The following PRKAR1A variants were observed in gnomAD, a reference collection of about 807,000 sequenced individuals.
PRKAR1A encodes protein kinase cAMP-dependent type I regulatory subunit alpha, also known as cAMP-dependent protein kinase type I-alpha regulatory subunit.
PRKAR1A carries 3 observed loss-of-function variants against 52.0 expected under a neutral mutation model. That is an observed-to-expected ratio of 0.06 (90% confidence interval 0.03 to 0.15). The LOEUF (loss-of-function observed/expected upper bound fraction) is 0.15. Among genes scored for constraint, PRKAR1A ranks in the 10% least tolerant of loss-of-function variants. PRKAR1A has a pLI of 1.00. For missense variants in PRKAR1A, 240 were observed against 477.4 expected, an observed-to-expected ratio of 0.50 and a Z score of 4.63; for synonymous variants, 188 against 168.4, an observed-to-expected ratio of 1.12 and a Z score of -0.90.
downstream of PRKAR1A, chr17:68,537,125 C>T: frequency 4.1e-6 from 2 of 483,324 alleles, no homozygotes; most frequent in South Asian, 1.5e-5. This position sits in a 1 kb window ranked among gnomAD's most constrained non-coding sequence, Gnocchi z 4.2. Context: ...GTCAGGTATC[C>T]ACTTGATGTC....
chr17:68,466,289 T>G, the PRKAR1A span, among the ~76,000 whole-genome samples: 1 of 152,116 alleles, frequency 6.6e-6, no homozygotes. Flanking sequence ...TGAAGGCCCT[T>G]GTGATTGATG....
intron 7 of PRKAR1A, among the ~76,000 whole-genome samples, chr17:68,526,940 T>C (rs1161977573): frequency 3.3e-5 from 5 of 152,204 alleles, no homozygotes; most frequent in Admixed American, 6.5e-5. Context: ...AAAACGCTTA[T>C]GGCAAAGATA....
chr17:68,490,807 G>A, the PRKAR1A span, among the ~76,000 whole-genome samples: 1 of 152,072 alleles, frequency 6.6e-6, no homozygotes, highest in South Asian at 2.1e-4. Flanking sequence ...CAGTCTTATC[G>A]TGTACCCTTG....
At chr17:68,450,381 C>T in the PRKAR1A span, among the ~76,000 whole-genome samples, 2 of 152,166 alleles carry the variant, frequency 1.3e-5, no homozygotes, top group Admixed American at 6.5e-5. Flanking sequence ...CCAGAAGAGT[C>T]GCTCCTCTGA....
chr17:68,539,118 A>G (rs961537950), intron 11 of PRKAR1A, among the ~76,000 whole-genome samples: 2 of 152,226 alleles, frequency 1.3e-5, no homozygotes, highest in African/African-American at 4.8e-5. Flanking sequence ...TAAAAATACC[A>G]TATTATTAAT....
At chr17:68,423,114 C>T in the PRKAR1A span, among the ~76,000 whole-genome samples, 9,808 of 152,110 alleles carry the variant, frequency 0.064, 770 homozygotes, top group African/African-American at 0.18. The surrounding 1 kb of genome is among the most constrained non-coding windows in gnomAD (Gnocchi z 4.4). Context: ...ACAAGAGAGG[C>T]GATTTTAACC....
rs372451862 is a variant in PRKAR1A at position 68,515,459 on chromosome 17, C to G, written c.60C>G (p.Leu20=). 1.2e-5 allele frequency: 20 copies of G among 1,613,548 alleles called. No homozygotes were observed. The highest frequency in any genetic ancestry group is 1.5e-5 in the Non-Finnish European group (18 of 1,180,056). The stretch of plus-strand genomic sequence containing the variant: ...CACGCAGCCTTCGAGAATGTGAGCT[C>G]TACGTCCAGAAGCATAACATTCAAG... The part of the protein sequence containing the change: ...EEARSLRECE[L]YVQKHNIQAL... Residue 20 remains leucine (L), a synonymous_variant, in exon 2 of 11, where the codon CTC becomes CTG. Transcript: ENST00000589228.
At chr17:68,513,750 C>T (rs1450632026) in intron 1 of PRKAR1A, among the ~76,000 whole-genome samples, 1 of 152,148 alleles carries the variant, frequency 6.6e-6, no homozygotes, top group Admixed American at 6.5e-5. Context: ...CGTATACTGT[C>T]CTATTACCGG....
chr17:68,496,678 C>T, the PRKAR1A span, among the ~76,000 whole-genome samples: 1 of 151,970 alleles, frequency 6.6e-6, no homozygotes, highest in African/African-American at 2.4e-5. Context: ...TCACTCTCCT[C>T]GAATGTAGAA....
At chr17:68,539,127 A>T (rs1167771312) in intron 11 of PRKAR1A, among the ~76,000 whole-genome samples, 1 of 152,164 alleles carries the variant, frequency 6.6e-6, no homozygotes, top group Non-Finnish European at 1.5e-5. Context: ...CATATTATTA[A>T]TCTTATGAGA....
At chr17:68,509,368 G>A (rs1407113253), upstream of PRKAR1A, among the ~76,000 whole-genome samples, 1 of 152,098 alleles carries the variant, frequency 6.6e-6, no homozygotes, top group African/African-American at 2.4e-5. Context: ...GTCTCACTGT[G>A]TTGCCCAGGC....
the PRKAR1A span, among the ~76,000 whole-genome samples, chr17:68,472,982 T>G: frequency 2.6e-5 from 4 of 152,000 alleles, no homozygotes; most frequent in African/African-American, 9.7e-5. Flanking sequence ...GTTAATGTGG[T>G]ATTTGATTGA....
the PRKAR1A span, chr17:68,420,069 A>T: frequency 1.7e-6 from 2 of 1,158,396 alleles, no homozygotes; most frequent in South Asian, 3.0e-5. Context: ...GAGAGCCATC[A>T]TTGGAACATT....
At chr17:68,444,549 T>C in the PRKAR1A span, 1 of 1,614,138 alleles carries the variant, frequency 6.2e-7, no homozygotes, top group Non-Finnish European at 8.5e-7. Flanking sequence ...GTCTTTAATG[T>C]TGTGAATATA....
the PRKAR1A span, among the ~76,000 whole-genome samples, chr17:68,485,224 A>G: frequency 1.3e-5 from 2 of 152,214 alleles, no homozygotes; most frequent in Non-Finnish European, 2.9e-5. Flanking sequence ...AGCTCAAGAC[A>G]GATGGAGAGT....
chr17:68,537,583 C>T (rs1458167248), downstream of PRKAR1A: 4 of 1,613,574 alleles, frequency 2.5e-6, no homozygotes, highest in Non-Finnish European at 3.4e-6. This position sits in a 1 kb window ranked among gnomAD's most constrained non-coding sequence, Gnocchi z 4.2. Flanking sequence ...CTCCACTGTC[C>T]TTAGGATGGT....
At chr17:68,550,699 C>G (rs1211745584) in intron 11 of PRKAR1A, among the ~76,000 whole-genome samples, 4 of 152,104 alleles carry the variant, frequency 2.6e-5, no homozygotes. Context: ...CTTTATACGG[C>G]AGTGGTTCTC....
At chr17:68,463,960 T>G in the PRKAR1A span, among the ~76,000 whole-genome samples, 4 of 152,256 alleles carry the variant, frequency 2.6e-5, no homozygotes, top group Non-Finnish European at 5.9e-5. Flanking sequence ...TATTTAACAT[T>G]GTTTCCCAAG....
intron 4 of PRKAR1A, 47 bp from the exon 5 acceptor site, chr17:68,523,969 C>T (rs374924897): frequency 2.7e-5 from 43 of 1,603,550 alleles, no homozygotes; most frequent in Admixed American, 1.7e-4. Context: ...TTGAAATTCA[C>T]GGAAGAGACA....
Sources: gnomAD v4.1 joint callset for allele counts (sites outside exome capture counted in the v4.1 genomes callset) on GRCh38, gnomAD v4.1.1 for gene constraint, Gnocchi (gnomAD v3.1) non-coding constraint, MANE v1.5 for transcripts, NCBI Gene and HGNC (gene_info 2026-07-23, HGNC 2026-07-21) for gene names.